The following PSMA4 variants were observed in gnomAD, a reference collection of about 807,000 sequenced individuals.
PSMA4 encodes proteasome subunit alpha type-4.
PSMA4 carries 8 observed loss-of-function variants against 37.2 expected under a neutral mutation model. The ratio of observed to expected loss-of-function variants is 0.22; its 90% confidence interval spans 0.13 to 0.39. The LOEUF (loss-of-function observed/expected upper bound fraction) is 0.39. Ranked by LOEUF, PSMA4 falls within the 10% of genes least tolerant of loss-of-function variation. PSMA4 has a pLI of 1.00. For missense variants in PSMA4, 169 were observed against 305.1 expected (o/e 0.55, Z 3.32); for synonymous variants, 93 against 98.8 (o/e 0.94, Z 0.35).
In PSMA4 at chr15:78,540,453, G is replaced by A. The variant is rs2052421717; in HGVS notation, c.-110G>A. 1 of 152,408 alleles carries A rather than the reference G, an allele frequency of 6.6e-6. No homozygotes were observed. Among genetic ancestry groups the A allele is most frequent in the South Asian group, 2.1e-4 (1 of 4,840 alleles). The allele number at this position is 152,408 out of a possible 1,614,324, so 9.4% of individuals were successfully genotyped here. A position where few individuals can be genotyped will look rare whatever the true frequency, so the allele number is the denominator to read the frequency against. ...CGCATGCGCGGGGGCCATATTAGCAGCGGTTATTCGGTGAGCGGTGGTGGT... is the reference window on the plus strand; with the variant it reads ...CGCATGCGCGGGGGCCATATTAGCAACGGTTATTCGGTGAGCGGTGGTGGT... On this transcript the variant is annotated 5_prime_UTR_variant, in exon 1 of 9. Transcript: ENST00000044462.
At chr15:78,546,448 CAA>C (rs11350747) in intron 7 of PSMA4, 125 bp from the exon 8 acceptor site, 42,138 of 638,212 alleles carry the variant, frequency 0.066, 1 homozygote, top group South Asian at 0.084. Flanking sequence ...GCCCCTGTGT[CAA>C]AAAAAAAAAA....
intron 4 of PSMA4, among the ~76,000 whole-genome samples, chr15:78,543,127 G>A (rs567976457): frequency 9.9e-5 from 15 of 152,210 alleles, no homozygotes; most frequent in African/African-American, 3.4e-4. Flanking sequence ...TAGAGGTCTC[G>A]AAGAATTTAG....
chr15:78,544,786 A>T, intron 5 of PSMA4, 83 bp from the exon 6 acceptor site: 1 of 908,032 alleles, frequency 1.1e-6, no homozygotes, highest in Non-Finnish European at 1.8e-6. Context: ...CCCATGGCAT[A>T]GATTGCTTTT....
intron 8 of PSMA4, among the ~76,000 whole-genome samples, chr15:78,547,523 T>G (rs1238047148): frequency 1.3e-5 from 2 of 152,210 alleles, no homozygotes; most frequent in African/African-American, 4.8e-5. Context: ...TTGTTCAACT[T>G]AAGCTATATG....
At position 78,550,343 on chromosome 15, in the gene PSMA4, GT is replaced by G; in HGVS notation, c.*1405del. 6.6e-6 allele frequency: 1 copy of G among 152,328 alleles called. No individual in the cohort carries two copies. Among genetic ancestry groups the G allele is most frequent in the Non-Finnish European group, 1.5e-5 (1 of 68,136 alleles). 9.4% of individuals were successfully genotyped at this position (152,328 alleles called of 1,614,324 possible). A position where few individuals can be genotyped will look rare whatever the true frequency, so the allele number is the denominator to read the frequency against. On this transcript the variant is annotated 3_prime_UTR_variant, in exon 9 of 9. Transcript: ENST00000044462. ...TACGTGAATGTTTTTGTTTTGTTTT[GT>G]TTTTTGAGACTGGGTCTTGCTCTGT...
intron 1 of PSMA4, chr15:78,541,599 A>C: frequency 2.8e-6 from 1 of 352,488 alleles, no homozygotes; most frequent in African/African-American, 2.2e-5. Context: ...CCCATCTCTG[A>C]TTTACTTTCA....
chr15:78,548,934 A>G lies in PSMA4; in HGVS notation c.776A>G (p.Lys259Arg). The change falls in exon 9 of 9, where the codon AAG (lysine) becomes AGG (arginine). Residue 259 changes from lysine to arginine, a missense_variant. Lys to Arg is a conservative substitution (Grantham distance 26). This residue lies in a region of PSMA4 where 90 missense variants were observed against 92.7 expected (regional missense o/e 0.97). Coordinates refer to ENST00000044462, the MANE Select transcript of PSMA4 (RefSeq NM_002789.6). Reference sequence around the variant, plus strand: ...AAGAAAGAAAAAGAACAGAAAGAAAAGGATAAATAGAATCAGAGATTTTAT... The same window carrying G: ...AAGAAAGAAAAAGAACAGAAAGAAAGGGATAAATAGAATCAGAGATTTTAT... ...REKKEKEQKEKDK is the reference protein window; with the variant it reads ...REKKEKEQKERDK The G allele has an allele frequency of 6.2e-7, 1 of 1,605,380 alleles. No individual in the cohort carries two copies. Among genetic ancestry groups the G allele is most frequent in the Non-Finnish European group, 8.5e-7 (1 of 1,177,682 alleles).
At chr15:78,545,558 C>T (rs557679013) in intron 6 of PSMA4, 76 bp from the exon 7 acceptor site, 928 of 1,508,888 alleles carry the variant, frequency 6.2e-4, no homozygotes, top group Non-Finnish European at 7.4e-4. Flanking sequence ...GTTTAGCTAC[C>T]TTCACTGAGC....
At chr15:78,544,319 C>CTTTTT in intron 5 of PSMA4, 52 bp downstream of exon 5, 3 of 1,077,092 alleles carry the variant, frequency 2.8e-6, no homozygotes, top group Non-Finnish European at 3.9e-6. Flanking sequence ...TTTGATGTTT[C>CTTTTT]TTTTTTTTTT....
At chr15:78,547,681 C>T (rs931989244) in intron 8 of PSMA4, among the ~76,000 whole-genome samples, 1 of 150,182 alleles carries the variant, frequency 6.7e-6, no homozygotes, top group Non-Finnish European at 1.5e-5. Flanking sequence ...ACTTAAAATA[C>T]AAAAATTAGC....
At position 78,545,671 on chromosome 15, in the gene PSMA4, C is replaced by T. The variant is rs951579936; in HGVS notation, c.414C>T (p.Gly138=). Residue 138 remains glycine, a synonymous_variant, in exon 7 of 9, where the codon GGC becomes GGT. Transcript: ENST00000044462. ...TTGGTGTTTCATTGCTGTACATTGG[C>T]TGGGATAAGCACTATGGCTTTCAGC... ...RPFGVSLLYI[G]WDKHYGFQLY... 6.2e-7 allele frequency: 1 copy of T among 1,613,822 alleles called. No individual in the cohort carries two copies. The highest frequency in any genetic ancestry group is 8.5e-7 in the Non-Finnish European group (1 of 1,179,904).
chr15:78,542,355 G>C, intron 3 of PSMA4, 128 bp from the exon 4 acceptor site: 1 of 1,384,030 alleles, frequency 7.2e-7, no homozygotes, highest in East Asian at 2.3e-5. Flanking sequence ...TCATCACCAG[G>C]TTGATTATAC....
rs11551774 is a variant in PSMA4 at position 78,544,920 on chromosome 15, G to T, written c.339G>T (p.Ala113=). ...EPIPCEQLVT[A]LCDIKQAYTQ... Reference sequence around the variant, plus strand: ...TACCTTGTGAGCAGTTGGTTACAGCGCTGTGTGATATCAAACAAGCTTATA... The same window carrying T: ...TACCTTGTGAGCAGTTGGTTACAGCTCTGTGTGATATCAAACAAGCTTATA... Residue 113 remains alanine, a synonymous_variant, in exon 6 of 9, where the codon GCG becomes GCT. Coordinates refer to ENST00000044462, the MANE Select transcript of PSMA4 (RefSeq NM_002789.6). The T allele has an allele frequency of 6.8e-6, 11 of 1,611,040 alleles. No individual in the cohort carries two copies. The African/African-American group carries it at 8.0e-5, about 12-fold the overall frequency.
At chr15:78,542,771 G>A in intron 4 of PSMA4, 126 bp downstream of exon 4, 1 of 949,676 alleles carries the variant, frequency 1.1e-6, no homozygotes, top group Non-Finnish European at 1.5e-6. Context: ...TATTTTGCTT[G>A]AAACCTCTTT....
At chr15:78,543,453 C>A (rs866334645) in intron 4 of PSMA4, among the ~76,000 whole-genome samples, 19 of 152,124 alleles carry the variant, frequency 1.2e-4, no homozygotes, top group Admixed American at 5.2e-4. Context: ...AGGAGCCTAG[C>A]CCTGTACTTC....
At position 78,551,280 on chromosome 15, in the gene PSMA4, G is replaced by C. The variant is rs34353700; in HGVS notation, c.*2336G>C. ...TCAAATTCTTTGTACTGGTTCATGA[G>C]GTATCCTGTATTCTGGCCTTGTGCT... On this transcript the variant is annotated 3_prime_UTR_variant, in exon 9 of 9. Transcript: ENST00000044462. 6.6e-6 allele frequency: 1 copy of C among 152,276 alleles called. No homozygotes were observed. The highest frequency in any genetic ancestry group is 1.9e-4 in the East Asian group (1 of 5,172). The allele number at this position is 152,276 out of a possible 1,614,324, so 9.4% of individuals were successfully genotyped here.
chr15:78,544,812 T>G lies in PSMA4; in HGVS notation c.288-57T>G, dbSNP rs1439265249. 4 of 1,215,416 alleles carry G rather than the reference T, an allele frequency of 3.3e-6. No individual in the cohort carries two copies. The South Asian group carries it at 5.1e-5, about 16-fold the overall frequency. 75.3% of individuals were successfully genotyped at this position (1,215,416 alleles called of 1,614,324 possible). A position where few individuals can be genotyped will look rare whatever the true frequency, so the allele number is the denominator to read the frequency against. ...GATTGCTTTTCAGAGAATATTTTCC[T>G]TAGAGTCTGTCTGTGTTTTAGAGAA... On this transcript the variant is annotated intron_variant, in intron 5 of 8. Transcript: ENST00000044462.
intron 6 of PSMA4, 80 bp downstream of exon 6, chr15:78,545,037 T>C (rs2052527197): frequency 1.1e-6 from 1 of 886,222 alleles, no homozygotes; most frequent in East Asian, 2.7e-5. Context: ...TAGTAAAAAA[T>C]TGAAAATAGA....
At chr15:78,546,464 AT>A (rs2052554403) in intron 7 of PSMA4, 110 bp from the exon 8 acceptor site, 14 of 951,984 alleles carry the variant, frequency 1.5e-5, no homozygotes, top group South Asian at 1.9e-5. Flanking sequence ...AAAAAAAAAA[AT>A]TGTTTATACT....
Sources: allele counts gnomAD v4.1 joint callset (sites outside exome capture counted in the v4.1 genomes callset), GRCh38; gene constraint gnomAD v4.1.1; regional missense constraint gnomAD v4.1.1; transcripts MANE v1.5; gene names NCBI Gene and HGNC (gene_info 2026-07-23, HGNC 2026-07-21).